The following HEMGN variants were observed in gnomAD, a reference collection of about 807,000 sequenced individuals.
HEMGN encodes the protein erythroid differentiation-associated gene protein.
In HEMGN, 32 loss-of-function variants were observed where a neutral mutation model predicts 45.7. The ratio of observed to expected loss-of-function variants is 0.70; its 90% CI spans 0.53 to 0.94. The LOEUF is 0.94. Ranked by LOEUF, HEMGN falls within the 40% of genes least tolerant of loss-of-function variation. The pLI, the probability that HEMGN is intolerant of heterozygous loss-of-function variation, is 0.00. For missense variants in HEMGN, 530 were observed against 564.2 expected (o/e 0.94, Z 0.61); for synonymous variants, 183 against 178.6 (o/e 1.02, Z -0.20).
intron 2 of HEMGN, among the ~76,000 whole-genome samples, chr9:97,935,636 C>T (rs1032459032): frequency 3.3e-5 from 5 of 152,196 alleles, no homozygotes; most frequent in Non-Finnish European, 5.9e-5. Context: ...AATTAGATGT[C>T]GCCTAATTTA....
At chr9:97,937,971 T>TC in intron 1 of HEMGN, 87 bp downstream of exon 1, 1 of 652,272 alleles carries the variant, frequency 1.5e-6, no homozygotes. Context: ...TTTTTTTTTT[T>TC]TTTTGGCCAG....
At position 97,938,169 on chromosome 9, in the gene HEMGN, G is replaced by C; in HGVS notation, c.-33C>G. The C allele has an allele frequency of 2.1e-6, 3 of 1,433,080 alleles. No individual in the cohort carries two copies. Among genetic ancestry groups the C allele is most frequent in the Non-Finnish European group, 2.9e-6 (3 of 1,022,976 alleles). The allele number at this position is 1,433,080 out of a possible 1,614,324, so 88.8% of individuals were successfully genotyped here. A position where few individuals can be genotyped will look rare whatever the true frequency, so the allele number is the denominator to read the frequency against. ...CAATACCTTCCTGCTATTTTGGTCT[G>C]ACTTCCACAAGCAGCCTAGATGCTT... On this transcript the variant is annotated 5_prime_UTR_variant, in exon 1 of 4. Coordinates refer to ENST00000616898, the MANE Select transcript of HEMGN (RefSeq NM_197978.3).
At chr9:97,931,495 C>T (rs903537557) in intron 2 of HEMGN, among the ~76,000 whole-genome samples, 7 of 152,154 alleles carry the variant, frequency 4.6e-5, no homozygotes, top group African/African-American at 9.7e-5. Context: ...TGCGCGTATG[C>T]GTGCGTGCGT....
chr9:97,930,442 G>T lies in HEMGN; in HGVS notation c.953C>A (p.Ser318Ter). Residue 318 changes from serine (S) to a stop codon, truncating the protein, a stop_gained, in exon 3 of 4, where the codon TCA becomes TAA. Transcript: ENST00000616898. LOFTEE classifies it high-confidence loss of function. ...ATGAGGAAGGTATTTAGGTTCAGCTGATTCTTGGTGTGTTTTTGTAGAAAG... is the reference window on the plus strand; with the variant it reads ...ATGAGGAAGGTATTTAGGTTCAGCTTATTCTTGGTGTGTTTTTGTAGAAAG... ...KDLSTKTHQESAEPKYLPHKT... is the reference protein window; with the variant it reads ...KDLSTKTHQE 1.9e-6 allele frequency: 3 copies of T among 1,614,152 alleles called. No homozygotes were observed. The highest frequency in any genetic ancestry group is 2.5e-6 in the Non-Finnish European group (3 of 1,180,024).
chr9:97,929,216 A>C (rs1826895820), intron 3 of HEMGN, among the ~76,000 whole-genome samples: 1 of 152,206 alleles, frequency 6.6e-6, no homozygotes, highest in South Asian at 2.1e-4. Flanking sequence ...ACTGCTTCAC[A>C]TGCCTGCTTT....
At chr9:97,938,219 C>A, upstream of HEMGN, 3 of 862,898 alleles carry the variant, frequency 3.5e-6, no homozygotes, top group African/African-American at 3.4e-5. Flanking sequence ...AAACATCTAA[C>A]ACTTAAAAAA....
At chr9:97,932,922 A>G (rs1449305522) in intron 2 of HEMGN, among the ~76,000 whole-genome samples, 1 of 152,160 alleles carries the variant, frequency 6.6e-6, no homozygotes, top group Non-Finnish European at 1.5e-5. Flanking sequence ...AAATTTTTTG[A>G]AAAAGATATT....
upstream of HEMGN, chr9:97,938,247 G>A (rs1827098285): frequency 2.4e-5 from 17 of 716,710 alleles, 1 homozygote; most frequent in South Asian, 2.8e-4. Flanking sequence ...ACACACACAA[G>A]TTTGCCTGTC....
At chr9:97,928,128 G>A (rs928427612) in intron 3 of HEMGN, among the ~76,000 whole-genome samples, 4 of 150,624 alleles carry the variant, frequency 2.7e-5, no homozygotes, top group Admixed American at 6.6e-5. Flanking sequence ...CCGGGTTCAC[G>A]CCATTCTCCT....
In HEMGN at chr9:97,927,425, T is replaced by C; in HGVS notation, c.1414A>G (p.Ser472Gly). The C allele has an allele frequency of 6.2e-7, 1 of 1,609,954 alleles. No homozygotes were observed. The highest frequency in any genetic ancestry group is 8.5e-7 in the Non-Finnish European group (1 of 1,177,152). Residue 472 changes from serine (S) to glycine (G), a missense_variant, in exon 4 of 4, where the codon AGT (serine) becomes GGT (glycine). Ser to Gly is a moderately conservative substitution (Grantham distance 56). Transcript: ENST00000616898. ...EPGIPAILNE[S>G]HPENDVYSYV... ...CTATAGACATCATTTTCTGGATGAC[T>C]CTCATTCAGAATTGCTGGTATTCCT...
chr9:97,930,897 C>T lies in HEMGN; in HGVS notation c.498G>A (p.Val166=), dbSNP rs772654568. 6.2e-7 allele frequency: 1 copy of T among 1,614,154 alleles called. No homozygotes were observed. The highest frequency in any genetic ancestry group is 8.5e-7 in the Non-Finnish European group (1 of 1,179,994). The change falls in exon 3 of 4, where the codon GTG becomes GTA. Residue 166 remains valine (V), a synonymous_variant. Transcript: ENST00000616898. ...QNHSSETCQH[V]SEPEDLSPKM... ...TAGGAGAGAGGTCTTCAGGTTCAGA[C>T]ACATGTTGGCATGTTTCAGAAGAAT...
chr9:97,943,416 C>G (rs112501973), intron 1 of HEMGN, among the ~76,000 whole-genome samples: 2,027 of 152,326 alleles, frequency 0.013, 38 homozygotes, highest in African/African-American at 0.046. Flanking sequence ...AGGAGAAGGA[C>G]AGTTTCTTGT....
intron 2 of HEMGN, among the ~76,000 whole-genome samples, chr9:97,933,747 C>G (rs1163501598): frequency 6.6e-6 from 1 of 152,174 alleles, no homozygotes; most frequent in East Asian, 1.9e-4. Context: ...ACTCTGCTGC[C>G]TCTCTCTGAA....
chr9:97,937,960 C>CTTTTTT, intron 1 of HEMGN, 98 bp downstream of exon 1: 1 of 500,296 alleles, frequency 2.0e-6, no homozygotes, highest in Non-Finnish European at 3.6e-6. Context: ...CATTTATTTC[C>CTTTTTT]TTTTTTTTTT....
Position 97,930,880 on chromosome 9 carries a change from A to G in HEMGN, c.515T>C (p.Leu172Pro), listed in dbSNP as rs1313480381. The change falls in exon 3 of 4, where the codon CTC becomes CCC. Residue 172 changes from leucine (L) to proline (P), a missense_variant. Coordinates refer to ENST00000616898, the MANE Select transcript of HEMGN (RefSeq NM_197978.3). The part of the protein sequence containing the change: ...TCQHVSEPED[L>P]SPKMYQEISV... ...TATTTCTTGGTACATTTTAGGAGAG[A>G]GGTCTTCAGGTTCAGACACATGTTG... 4 of 1,614,062 alleles carry G rather than the reference A, an allele frequency of 2.5e-6. No homozygotes were observed. The highest frequency in any genetic ancestry group is 3.4e-6 in the Non-Finnish European group (4 of 1,179,934).
chr9:97,939,199 T>G (rs1450642175), upstream of HEMGN, among the ~76,000 whole-genome samples: 1 of 152,214 alleles, frequency 6.6e-6, no homozygotes, highest in African/African-American at 2.4e-5. Context: ...GCAGGTTAGA[T>G]AGCCTTGGAG....
chr9:97,936,095 A>G (rs1411213168), intron 2 of HEMGN, 76 bp downstream of exon 2: 1 of 935,224 alleles, frequency 1.1e-6, no homozygotes. Context: ...ACAGTGTGTA[A>G]AGTGCACAGC....
intron 1 of HEMGN, among the ~76,000 whole-genome samples, chr9:97,943,337 G>A (rs1827178689): frequency 6.6e-6 from 1 of 152,198 alleles, no homozygotes; most frequent in South Asian, 2.1e-4. Flanking sequence ...CTTCCTTGCT[G>A]ACATACTTTT....
intron 3 of HEMGN, among the ~76,000 whole-genome samples, chr9:97,929,814 A>T (rs550372916): frequency 6.6e-6 from 1 of 152,278 alleles, no homozygotes; most frequent in African/African-American, 2.4e-5. Context: ...GATAGTATGA[A>T]TAAGTACTTA....
Sources: allele counts gnomAD v4.1 joint callset (sites outside exome capture counted in the v4.1 genomes callset), GRCh38; gene constraint gnomAD v4.1.1; transcripts MANE v1.5; gene names NCBI Gene and HGNC (gene_info 2026-07-23, HGNC 2026-07-21).